Variants in GABRD observed in about 807,000 individuals in gnomAD.
GABRD encodes gamma-aminobutyric acid type A receptor subunit delta.
A neutral mutation model predicts 47.3 loss-of-function variants in GABRD; 25 were observed. The ratio of observed to expected loss-of-function variants is 0.53; its 90% CI spans 0.39 to 0.74. The LOEUF (loss-of-function observed/expected upper bound fraction) is 0.74. GABRD is among the 30% of genes least tolerant of loss of function. The pLI is 0.00. For synonymous variants in GABRD, 314 were observed against 278.8 expected (o/e 1.13, Z -1.26); for missense variants, 497 against 643.4 (o/e 0.77, Z 2.46).
At chr1:2,027,839 C>A in intron 5 of GABRD, 180 bp downstream of exon 5, 1 of 667,422 alleles carries the variant, frequency 1.5e-6, no homozygotes, top group African/African-American at 1.8e-5. Flanking sequence ...AGCAGTCTGG[C>A]TTGTGGGTCT....
Position 2,028,876 on chromosome 1 carries a change from C to T in GABRD, c.692-235C>T, listed in dbSNP as rs1659004850. 3.4e-6 allele frequency: 2 copies of T among 583,062 alleles called. No individual in the cohort carries two copies. Among genetic ancestry groups the T allele is most frequent in the Admixed American group, 3.1e-5 (1 of 32,010 alleles). The allele number at this position is 583,062 out of a possible 1,614,324, so 36.1% of individuals were successfully genotyped here. ...AACATGAGGCCAGCAGTAACCTCAGCCTCTCTCCCTCTCCTCTGGGTGACA... is the reference window on the plus strand; with the variant it reads ...AACATGAGGCCAGCAGTAACCTCAGTCTCTCTCCCTCTCCTCTGGGTGACA... On this transcript the variant is annotated intron_variant, in intron 6 of 8. Transcript: ENST00000378585. This position sits in a 1 kb window ranked among gnomAD's most constrained non-coding sequence, Gnocchi z 6.4.
intron 4 of GABRD, chr1:2,026,660 C>G (rs1158583548): frequency 6.6e-6 from 1 of 151,784 alleles, no homozygotes. Context: ...ATGGTGAAAC[C>G]CCGTCTCTAC....
At chr1:2,025,219 C>T (rs41315328) in intron 2 of GABRD, 115 bp from the exon 3 acceptor site, 14 of 1,353,682 alleles carry the variant, frequency 1.0e-5, no homozygotes, top group Non-Finnish European at 1.5e-5. Context: ...CAGGGAGGTG[C>T]AGCTTCTCAG....
At position 2,029,528 on chromosome 1, in the gene GABRD, A is replaced by G. The variant is rs548401742; in HGVS notation, c.848-23A>G. 2.5e-6 allele frequency: 4 copies of G among 1,610,514 alleles called. No individual in the cohort carries two copies. In the South Asian group the frequency reaches 4.4e-5, roughly 18 times the overall value. On this transcript the variant is annotated intron_variant, in intron 7 of 8. Transcript: ENST00000378585. ...GCGGCGTGAGGGCAGGGCTACGACA[A>G]TGGCACCACCTGTGCCCGGCAGGCA...
At chr1:2,029,081 TG>T in intron 6 of GABRD, 29 bp from the exon 7 acceptor site, 1 of 1,537,782 alleles carries the variant, frequency 6.5e-7, no homozygotes. Flanking sequence ...TGGGCAGGGA[TG>T]GGGGCACTGA....
chr1:2,028,177 C>A lies in GABRD; in HGVS notation c.576C>A (p.Ile192=). 9 of 1,611,856 alleles carry A rather than the reference C, an allele frequency of 5.6e-6. No homozygotes were observed. Among genetic ancestry groups the A allele is most frequent in the Non-Finnish European group, 7.6e-6 (9 of 1,179,310 alleles). ...CAGACGGTTACTCATCGGAGGACATCGTCTACTACTGGTCGGAGAGCCAGG... is the reference window on the plus strand; with the variant it reads ...CAGACGGTTACTCATCGGAGGACATAGTCTACTACTGGTCGGAGAGCCAGG... ...LESYGYSSED[I]VYYWSESQEH... is the part of the protein sequence containing the mutation. The change falls in exon 6 of 9, where the codon ATC becomes ATA. Residue 192 remains isoleucine, a synonymous_variant. Coordinates refer to ENST00000378585, the MANE Select transcript of GABRD (RefSeq NM_000815.5). The surrounding 1 kb of genome is among the most constrained non-coding windows in gnomAD (Gnocchi z 6.4).
chr1:2,027,783 GC>G lies in GABRD; in HGVS notation c.553+125del, dbSNP rs1376903240. ...GCAGGAAAGCACCAAACCAGCTTCT[GC>G]ATGCAAGAAGCCTGGGCAGGAGGAG... is the stretch of plus-strand genomic sequence containing the variant. On this transcript the variant is annotated intron_variant, in intron 5 of 8. Transcript: ENST00000378585. 1.3e-5 allele frequency: 11 copies of G among 874,138 alleles called. No individual in the cohort carries two copies. In the African/African-American group the frequency reaches 1.8e-4, roughly 14 times the overall value. 54.1% of individuals were successfully genotyped at this position (874,138 alleles called of 1,614,324 possible).
rs774122718 is a variant in GABRD at position 2,025,064 on chromosome 1, G to A, written c.181+10G>A. On this transcript the variant is annotated intron_variant, in intron 2 of 8. Coordinates refer to ENST00000378585, the MANE Select transcript of GABRD (RefSeq NM_000815.5). ...CGGCCTGGCATCGGAGGTGAGGGGC[G>A]GTCCAGGCCCGGCAGGCAGGAGCCG... 3.1e-6 allele frequency: 5 copies of A among 1,603,778 alleles called. No homozygotes were observed. Among genetic ancestry groups the A allele is most frequent in the East Asian group, 2.2e-5 (1 of 44,688 alleles).
Position 2,028,438 on chromosome 1 carries a change from A to G in GABRD, c.691+146A>G. 1.1e-6 allele frequency: 1 copy of G among 910,538 alleles called. No homozygotes were observed. The highest frequency in any genetic ancestry group is 1.5e-6 in the Non-Finnish European group (1 of 675,244). 56.4% of individuals were successfully genotyped at this position (910,538 alleles called of 1,614,324 possible). ...TTTAGTCAAGCGCCCGCAGGCCCCC[A>G]GGGCCTCTGGGGATGCAGCTGGGAC... On this transcript the variant is annotated intron_variant, in intron 6 of 8. Transcript: ENST00000378585. This position sits in a 1 kb window ranked among gnomAD's most constrained non-coding sequence, Gnocchi z 6.4.
intron 1 of GABRD, 133 bp downstream of exon 1, chr1:2,019,624 C>G (rs1658719670): frequency 1.2e-5 from 5 of 410,752 alleles, no homozygotes; most frequent in Non-Finnish European, 1.7e-5. Flanking sequence ...CCCGCGTCCT[C>G]CCTCCCCGGG....
intron 7 of GABRD, 70 bp downstream of exon 7, chr1:2,029,336 C>G: frequency 6.7e-7 from 1 of 1,483,940 alleles, no homozygotes; most frequent in Non-Finnish European, 9.0e-7. Context: ...CCCCATCCCT[C>G]GGCTGGGGGC....
chr1:2,025,769 G>C (rs535570779), intron 4 of GABRD, 31 bp downstream of exon 4: 2 of 1,590,964 alleles, frequency 1.3e-6, no homozygotes, highest in South Asian at 1.1e-5. Context: ...GACTCCGGGG[G>C]AGAGCCTGCC....
rs761436257 is a variant in GABRD, at chr1:2,024,972, C to T, written c.99C>T (p.Gly33=). Residue 33 remains glycine (G), a synonymous_variant, in exon 2 of 9, where the codon GGC becomes GGT. Coordinates refer to ENST00000378585, the MANE Select transcript of GABRD (RefSeq NM_000815.5). Reference sequence around the variant, plus strand: ...TGAATGACATCGGCGACTACGTGGGCTCCAACCTGGAGATCTCCTGGCTCC... The same window carrying T: ...TGAATGACATCGGCGACTACGTGGGTTCCAACCTGGAGATCTCCTGGCTCC... ...RAMNDIGDYV[G]SNLEISWLPN... 1 of 1,612,942 alleles carries T rather than the reference C, an allele frequency of 6.2e-7. No individual in the cohort carries two copies. The highest frequency in any genetic ancestry group is 2.2e-5 in the East Asian group (1 of 44,876).
chr1:2,019,715 C>T (rs1018073499), intron 1 of GABRD, among the ~76,000 whole-genome samples: 6 of 152,048 alleles, frequency 3.9e-5, no homozygotes, highest in African/African-American at 9.7e-5. Flanking sequence ...GCGCTGGCCG[C>T]CCCCGCCCGG....
rs1292310200 is a variant in GABRD at position 2,030,147 on chromosome 1, C to T, written c.1224C>T (p.Arg408=). Residue 408 remains arginine (R), a synonymous_variant, in exon 9 of 9, where the codon CGC becomes CGT. Coordinates refer to ENST00000378585, the MANE Select transcript of GABRD (RefSeq NM_000815.5). ...TGETKKEGAA[R]SGGQGGIRAR... ...AGACGAAGAAGGAGGGGGCAGCCCG[C>T]TCAGGAGGCCAGGGGGGCATCCGTG... is the stretch of plus-strand genomic sequence containing the variant. The T allele has an allele frequency of 1.9e-6, 3 of 1,577,472 alleles. No individual in the cohort carries two copies. The highest frequency in any genetic ancestry group is 2.6e-6 in the Non-Finnish European group (3 of 1,160,618).
At position 2,028,943 on chromosome 1, in the gene GABRD, G is replaced by A; in HGVS notation, c.692-168G>A. ...TGTCCTGTGGCCAGACCTAGGGCCG[G>A]AGGCCCCCTGACATTTCAGGCCATG... is the stretch of plus-strand genomic sequence containing the variant. On this transcript the variant is annotated intron_variant, in intron 6 of 8. Transcript: ENST00000378585. The surrounding 1 kb of genome is among the most constrained non-coding windows in gnomAD (Gnocchi z 6.4). 1.2e-6 allele frequency: 1 copy of A among 800,046 alleles called. No individual in the cohort carries two copies. The highest frequency in any genetic ancestry group is 1.9e-6 in the Non-Finnish European group (1 of 516,370). 49.6% of individuals were successfully genotyped at this position (800,046 alleles called of 1,614,324 possible). A position where few individuals can be genotyped will look rare whatever the true frequency, so the allele number is the denominator to read the frequency against.
chr1:2,025,846 A>T, intron 4 of GABRD, 108 bp downstream of exon 4: 2 of 988,544 alleles, frequency 2.0e-6, no homozygotes, highest in Non-Finnish European at 3.0e-6. Flanking sequence ...TGCTGCCGGG[A>T]GCTGGCGGGC....
intron 8 of GABRD, 102 bp downstream of exon 8, chr1:2,029,864 C>A: frequency 1.3e-6 from 2 of 1,506,090 alleles, no homozygotes; most frequent in Non-Finnish European, 9.2e-7. Context: ...GCTCCCTGAG[C>A]GTGGGGGGCT....
At chr1:2,027,346 A>T in intron 4 of GABRD, 1 of 575,650 alleles carries the variant, frequency 1.7e-6, no homozygotes, top group Non-Finnish European at 3.2e-6. Flanking sequence ...TCAATAGTCA[A>T]GCGTTTTGAA....
Sources: gnomAD v4.1 joint callset for allele counts (sites outside exome capture counted in the v4.1 genomes callset) on GRCh38, gnomAD v4.1.1 for gene constraint, Gnocchi (gnomAD v3.1) non-coding constraint, MANE v1.5 for transcripts, NCBI Gene and HGNC (gene_info 2026-07-23, HGNC 2026-07-21) for gene names.